Variants in NKAIN2 observed in about 807,000 individuals in gnomAD.
The protein encoded by NKAIN2 is sodium/potassium-transporting ATPase subunit beta-1-interacting protein 2.
A neutral mutation model predicts 32.6 loss-of-function variants in NKAIN2; 14 were observed. The ratio of observed to expected loss-of-function variants is 0.43; its 90% CI spans 0.28 to 0.67. NKAIN2 has a LOEUF of 0.67. Ranked by LOEUF, NKAIN2 falls within the 30% of genes least tolerant of loss-of-function variation. The probability of loss-of-function intolerance (pLI) is 0.17; values close to 1 mark genes in which losing one functional copy is unlikely to be tolerated. For missense variants in NKAIN2, 198 were observed against 258.3 expected (o/e 0.77, Z 1.60); for synonymous variants, 80 against 87.2 (o/e 0.92, Z 0.46).
chr6:124,424,192 A>G (rs1323787317), intron 3 of NKAIN2, among the ~76,000 whole-genome samples: 1 of 151,976 alleles, frequency 6.6e-6, no homozygotes, highest in Admixed American at 6.6e-5. Context: ...ACGGGGTTTC[A>G]CAGTGTTAGC....
chr6:123,895,226 C>CACACACAT (rs1317584827), intron 1 of NKAIN2, among the ~76,000 whole-genome samples: 1 of 151,940 alleles, frequency 6.6e-6, no homozygotes, highest in Non-Finnish European at 1.5e-5. Context: ...CAAGAACACA[C>CACACACAT]ACACACATAC....
chr6:123,962,325 A>G (rs1027809409), intron 1 of NKAIN2, among the ~76,000 whole-genome samples: 1 of 152,156 alleles, frequency 6.6e-6, no homozygotes, highest in Admixed American at 6.5e-5. Flanking sequence ...GAAGATTCTC[A>G]AATGGAGGCA....
At chr6:123,826,528 C>T (rs938993896) in intron 1 of NKAIN2, among the ~76,000 whole-genome samples, 2 of 152,114 alleles carry the variant, frequency 1.3e-5, no homozygotes, top group Non-Finnish European at 2.9e-5. Flanking sequence ...TCTCCCCTTC[C>T]CTGAGTACCT....
intron 1 of NKAIN2, among the ~76,000 whole-genome samples, chr6:123,899,822 C>T (rs1157619704): frequency 6.6e-6 from 1 of 151,826 alleles, no homozygotes; most frequent in Non-Finnish European, 1.5e-5. Context: ...ACCTGTTGAA[C>T]ACACACACAC....
At chr6:124,517,990 GAAAT>G (rs1778978255) in intron 3 of NKAIN2, among the ~76,000 whole-genome samples, 1 of 151,772 alleles carries the variant, frequency 6.6e-6, no homozygotes, top group African/African-American at 2.4e-5. Context: ...GAGAAATATT[GAAAT>G]AAATATACTC....
intron 1 of NKAIN2, among the ~76,000 whole-genome samples, chr6:123,853,324 A>C (rs1360619495): frequency 6.6e-6 from 1 of 152,214 alleles, no homozygotes; most frequent in East Asian, 1.9e-4. Context: ...TGCATTTTCT[A>C]TACATAATTC....
intron 1 of NKAIN2, among the ~76,000 whole-genome samples, chr6:123,848,759 G>A (rs78947594): frequency 0.015 from 2,299 of 152,190 alleles, 57 homozygotes; most frequent in East Asian, 0.1. Flanking sequence ...GAGTGCACCC[G>A]TACTTTAGAA....
At chr6:124,654,731 T>C (rs1784478758) in intron 3 of NKAIN2, among the ~76,000 whole-genome samples, 1 of 152,084 alleles carries the variant, frequency 6.6e-6, no homozygotes, top group Non-Finnish European at 1.5e-5. Flanking sequence ...GGATACAGCT[T>C]GGCACCCGGG....
Position 124,417,549 on chromosome 6 carries a change from C to T in NKAIN2, c.273+62202C>T, listed in dbSNP as rs527660079. Among the ~76,000 whole-genome samples, 24 of 152,016 alleles carry T rather than the reference C, an allele frequency of 1.6e-4. No individual in the cohort carries two copies. The South Asian group carries it at 4.6e-3, about 29-fold the overall frequency. ...GCATTTTGATATTTTTACTTTGGTT[C>T]TAAATAAAGTATTCTTTCCCTAAAA... On this transcript the variant is annotated intron_variant, in intron 3 of 6. Coordinates refer to ENST00000368417, the MANE Select transcript of NKAIN2 (RefSeq NM_001040214.3).
At chr6:123,941,446 G>T (rs559708005) in intron 1 of NKAIN2, among the ~76,000 whole-genome samples, 1 of 151,416 alleles carries the variant, frequency 6.6e-6, no homozygotes, top group African/African-American at 2.4e-5. Context: ...TTTGTATACC[G>T]CAGTGTTACC....
chr6:124,249,227 G>T (rs1793568703), intron 1 of NKAIN2, among the ~76,000 whole-genome samples: 1 of 152,108 alleles, frequency 6.6e-6, no homozygotes, highest in Admixed American at 6.6e-5. Flanking sequence ...GTTTGTTTCA[G>T]ACACTAAATG....
chr6:124,212,608 A>G (rs574153810), intron 1 of NKAIN2, among the ~76,000 whole-genome samples: 1 of 152,230 alleles, frequency 6.6e-6, no homozygotes, highest in Non-Finnish European at 1.5e-5. Flanking sequence ...TCATTGCTAT[A>G]TATTTCCACA....
chr6:124,283,176 T>G (rs1214675463), intron 2 of NKAIN2, 34 bp downstream of exon 2: 1 of 1,512,854 alleles, frequency 6.6e-7, no homozygotes, highest in Non-Finnish European at 9.2e-7. Context: ...AAAATCTTAT[T>G]GAACTAGAGA....
chr6:124,751,175 G>T (rs1777701202), intron 4 of NKAIN2, among the ~76,000 whole-genome samples: 1 of 151,994 alleles, frequency 6.6e-6, no homozygotes. Context: ...AATGACGTTA[G>T]GCTCCTATCC....
chr6:124,406,756 AT>A (rs1207596494), intron 3 of NKAIN2, among the ~76,000 whole-genome samples: 1 of 151,964 alleles, frequency 6.6e-6, no homozygotes, highest in African/African-American at 2.4e-5. Context: ...TTGTTTTTTT[AT>A]TTGAGTTATT....
chr6:124,453,322 A>AACACACACACAC (rs766482280), intron 3 of NKAIN2, among the ~76,000 whole-genome samples: 1,867 of 63,826 alleles, frequency 0.029, 85 homozygotes, highest in African/African-American at 0.045. Flanking sequence ...CATGCATATA[A>AACACACACACAC]ACACACACAC....
At chr6:123,846,891 T>C (rs1775117521) in intron 1 of NKAIN2, among the ~76,000 whole-genome samples, 1 of 152,064 alleles carries the variant, frequency 6.6e-6, no homozygotes, top group Non-Finnish European at 1.5e-5. Context: ...TCCTCTTTCA[T>C]TCACAAATAT....
chr6:124,305,884 T>C (rs778194224), intron 2 of NKAIN2, among the ~76,000 whole-genome samples: 13 of 152,188 alleles, frequency 8.5e-5, no homozygotes, highest in Non-Finnish European at 1.8e-4. Flanking sequence ...TCTCTCATTA[T>C]TGTCTCCCTT....
At chr6:124,444,534 G>A (rs757006809) in intron 3 of NKAIN2, among the ~76,000 whole-genome samples, 71 of 151,974 alleles carry the variant, frequency 4.7e-4, no homozygotes, top group African/African-American at 3.9e-4. Context: ...AGGAGTAACC[G>A]TATTATATAT....
Sources: gnomAD v4.1 joint callset for allele counts (sites outside exome capture counted in the v4.1 genomes callset) on GRCh38, gnomAD v4.1.1 for gene constraint, MANE v1.5 for transcripts, NCBI Gene and HGNC (gene_info 2026-07-23, HGNC 2026-07-21) for gene names.